JMJD1C: variants seen among roughly 807,000 people sequenced by gnomAD.
The protein encoded by JMJD1C is jumonji domain-containing protein 1C.
A neutral mutation model predicts 245.3 loss-of-function variants in JMJD1C; 31 were observed. The ratio of observed to expected loss-of-function variants is 0.13; its 90% confidence interval spans 0.09 to 0.17. The LOEUF is 0.17. Ranked by LOEUF, JMJD1C falls within the 10% of genes least tolerant of loss-of-function variation. The probability of loss-of-function intolerance (pLI) is 1.00; values close to 1 mark genes in which losing one functional copy is unlikely to be tolerated. For synonymous variants in JMJD1C, 1,057 were observed against 1,017.4 expected, an observed-to-expected ratio of 1.04 and a Z score of -0.74; for missense variants, 2,691 against 3,000.2, an observed-to-expected ratio of 0.90 and a Z score of 2.41.
chr10:63,333,492 G>T (rs567700424), intron 2 of JMJD1C, among the ~76,000 whole-genome samples: 1 of 152,052 alleles, frequency 6.6e-6, no homozygotes, highest in Admixed American at 6.6e-5. Context: ...AGGCTGCAAC[G>T]ACTGCACTCC....
At chr10:63,173,422 A>T (rs1842574903) in intron 24 of JMJD1C, among the ~76,000 whole-genome samples, 1 of 152,214 alleles carries the variant, frequency 6.6e-6, no homozygotes, top group South Asian at 2.1e-4. Flanking sequence ...ACTGGACCTC[A>T]TCAAAATGGA....
At chr10:63,361,355 G>A (rs55998937) in intron 2 of JMJD1C, among the ~76,000 whole-genome samples, 7 of 152,264 alleles carry the variant, frequency 4.6e-5, no homozygotes, top group South Asian at 2.1e-4. Flanking sequence ...CCCAGGAGGC[G>A]GAGGTTGCAG....
intron 2 of JMJD1C, among the ~76,000 whole-genome samples, chr10:63,319,547 C>CT (rs1940585979): frequency 6.6e-6 from 1 of 152,012 alleles, no homozygotes; most frequent in African/African-American, 2.4e-5. Flanking sequence ...CCTTTTATCC[C>CT]TTTAAGTATT....
intron 1 of JMJD1C, 106 bp from the exon 2 acceptor site, chr10:63,380,588 C>A: frequency 1.3e-6 from 1 of 770,046 alleles, no homozygotes; most frequent in Non-Finnish European, 2.1e-6. Flanking sequence ...CATATGATAT[C>A]GTGATACATG....
intron 24 of JMJD1C, among the ~76,000 whole-genome samples, chr10:63,175,820 AG>A (rs538808353): frequency 9.9e-4 from 151 of 152,284 alleles, no homozygotes; most frequent in African/African-American, 3.5e-3. Flanking sequence ...TGGAAAAATT[AG>A]GTATTTTAAA....
intron 1 of JMJD1C, among the ~76,000 whole-genome samples, chr10:63,516,904 A>T (rs1203081547): frequency 2.0e-5 from 3 of 152,114 alleles, no homozygotes; most frequent in Non-Finnish European, 4.4e-5. Flanking sequence ...GCCAAACTGA[A>T]CCTCTGTTGT....
intron 3 of JMJD1C, among the ~76,000 whole-genome samples, chr10:63,258,723 G>T (rs1015302780): frequency 6.6e-6 from 1 of 151,954 alleles, no homozygotes; most frequent in African/African-American, 2.4e-5. Context: ...TTTACTTCAG[G>T]CTCCTTAAAT....
At chr10:63,263,505 C>A (rs1855061127) in intron 3 of JMJD1C, among the ~76,000 whole-genome samples, 1 of 152,162 alleles carries the variant, frequency 6.6e-6, no homozygotes. Context: ...ATAGTATTAA[C>A]TTTTTACTCC....
intron 2 of JMJD1C, among the ~76,000 whole-genome samples, chr10:63,335,287 G>A (rs1942606900): frequency 6.6e-6 from 1 of 152,080 alleles, no homozygotes; most frequent in Non-Finnish European, 1.5e-5. Context: ...AAACAACCTG[G>A]ATACCCTGTT....
chr10:63,319,255 T>TAAAAA (rs59018554), intron 2 of JMJD1C, among the ~76,000 whole-genome samples: 3 of 85,936 alleles, frequency 3.5e-5, no homozygotes, highest in African/African-American at 1.3e-4. Flanking sequence ...AGACTCCATC[T>TAAAAA]AAAAAAAAAA....
intron 1 of JMJD1C, among the ~76,000 whole-genome samples, chr10:63,423,665 G>A (rs949365078): frequency 2.0e-5 from 3 of 152,136 alleles, no homozygotes; most frequent in African/African-American, 7.2e-5. Flanking sequence ...ATGTAGAATT[G>A]AAATTGCTGA....
chr10:63,248,529 G>GATAGATAA (rs566828473), intron 3 of JMJD1C, among the ~76,000 whole-genome samples: 5,849 of 136,926 alleles, frequency 0.043, 198 homozygotes, highest in African/African-American at 0.085. Flanking sequence ...TCAATAGATA[G>GATAGATAA]ATAAATAAAT....
intron 23 of JMJD1C, chr10:63,176,774 T>C (rs984578816): frequency 4.1e-6 from 1 of 243,822 alleles, no homozygotes; most frequent in Non-Finnish European, 7.8e-6. Flanking sequence ...TTCAAAAGTA[T>C]AGCACATGGA....
intron 1 of JMJD1C, among the ~76,000 whole-genome samples, chr10:63,511,785 T>C (rs527387312): frequency 1.1e-4 from 16 of 152,304 alleles, no homozygotes; most frequent in African/African-American, 3.6e-4. Flanking sequence ...CAACGTTTTG[T>C]ATACACAAGT....
At chr10:63,363,538 G>GT (rs1945585558) in intron 2 of JMJD1C, among the ~76,000 whole-genome samples, 1 of 152,032 alleles carries the variant, frequency 6.6e-6, no homozygotes, top group Non-Finnish European at 1.5e-5. Flanking sequence ...GATTACAGGC[G>GT]TGAGCCACCA....
At chr10:63,517,161 T>C (rs1322710226) in intron 1 of JMJD1C, among the ~76,000 whole-genome samples, 1 of 152,200 alleles carries the variant, frequency 6.6e-6, no homozygotes, top group Non-Finnish European at 1.5e-5. Flanking sequence ...TCAGTCTCAT[T>C]AGCATTCTCA....
chr10:63,201,698 G>A (rs1846025450), intron 10 of JMJD1C, among the ~76,000 whole-genome samples: 1 of 152,130 alleles, frequency 6.6e-6, no homozygotes, highest in Admixed American at 6.6e-5. Flanking sequence ...GGGAGGCTGA[G>A]GCGGGCGGAT....
At chr10:63,352,123 A>G (rs895107787) in intron 2 of JMJD1C, among the ~76,000 whole-genome samples, 12 of 152,240 alleles carry the variant, frequency 7.9e-5, no homozygotes, top group Admixed American at 7.2e-4. Flanking sequence ...AATTTTAGAC[A>G]TAGGAATTAG....
At chr10:63,450,225 G>A (rs1184621005) in intron 1 of JMJD1C, among the ~76,000 whole-genome samples, 1 of 151,156 alleles carries the variant, frequency 6.6e-6, no homozygotes, top group African/African-American at 2.4e-5. Flanking sequence ...TTTTTTTTTA[G>A]TTAAATGCAA....
Sources: gnomAD v4.1 joint callset for allele counts (sites outside exome capture counted in the v4.1 genomes callset) on GRCh38, gnomAD v4.1.1 for gene constraint, MANE v1.5 for transcripts, NCBI Gene and HGNC (gene_info 2026-07-23, HGNC 2026-07-21) for gene names.